EGFL6: variants seen among roughly 807,000 people sequenced by gnomAD.
The protein encoded by EGFL6 is epidermal growth factor-like protein 6.
Under a neutral mutation model 43.1 loss-of-function variants are expected in EGFL6, and 42 were observed. The observed-to-expected ratio is 0.98, with a 90% confidence interval of 0.76 to 1.26. EGFL6 has a LOEUF of 1.26. Ranked by LOEUF, EGFL6 falls within the 50% of genes most tolerant of loss-of-function variation. EGFL6 has a pLI of 0.00. For synonymous variants in EGFL6, 164 were observed against 163.2 expected (o/e 1.01, Z -0.04); for missense variants, 429 against 427.8 (o/e 1.00, Z -0.02).
chrX:13,594,774 G>A (rs1156918899), intron 2 of EGFL6, 62 bp from the exon 3 acceptor site: 2 of 1,069,209 alleles, frequency 1.9e-6, no homozygotes, highest in South Asian at 2.0e-5. Flanking sequence ...GCGAAGTTTT[G>A]CGTGCATTTC....
At chrX:13,594,097 C>CT (rs925903807) in intron 2 of EGFL6, among the ~76,000 whole-genome samples, 5 of 110,901 alleles carry the variant, frequency 4.5e-5, no homozygotes, top group Non-Finnish European at 9.4e-5. Context: ...TCCCATTTTC[C>CT]TTTTTTCCTA....
intron 2 of EGFL6, among the ~76,000 whole-genome samples, chrX:13,592,868 G>A (rs1180730886): frequency 1.4e-5 from 1 of 73,654 alleles, no homozygotes; most frequent in African/African-American, 5.2e-5. Flanking sequence ...TGTCGGGGGG[G>A]TGGGGGGGCT....
At chrX:13,625,877 C>A (rs1331302804) in intron 10 of EGFL6, among the ~76,000 whole-genome samples, 34 of 79,956 alleles carry the variant, frequency 4.3e-4, no homozygotes, top group Non-Finnish European at 6.3e-4. Flanking sequence ...CAGAGTGAGA[C>A]CCTGCCTCAA....
intron 7 of EGFL6, among the ~76,000 whole-genome samples, chrX:13,612,620 G>A (rs187289557): frequency 0.023 from 2,569 of 110,290 alleles, 73 homozygotes; most frequent in African/African-American, 0.079. Context: ...CAGACGGGGC[G>A]GCTGGGCAGA....
intron 9 of EGFL6, among the ~76,000 whole-genome samples, chrX:13,623,467 C>T (rs150743132): frequency 0.021 from 1,971 of 94,446 alleles, 54 homozygotes; most frequent in East Asian, 0.12. Context: ...GCAACCTCCA[C>T]CTCCTGGGTG....
chrX:13,595,918 C>G (rs187160322), intron 3 of EGFL6, among the ~76,000 whole-genome samples: 1 of 110,490 alleles, frequency 9.1e-6, no homozygotes, highest in East Asian at 2.8e-4. Context: ...CGAGGTCCCA[C>G]TACGTTGCCC....
chrX:13,598,560 T>C (rs2045613054), intron 3 of EGFL6, among the ~76,000 whole-genome samples: 1 of 47,007 alleles, frequency 2.1e-5, no homozygotes, highest in Admixed American at 2.3e-4. Context: ...TATTCTTAAG[T>C]TGTTGTTGTT....
chrX:13,632,306 T>G (rs2045816241), intron 11 of EGFL6, among the ~76,000 whole-genome samples: 1 of 96,285 alleles, frequency 1.0e-5, no homozygotes, highest in Non-Finnish European at 2.1e-5. Flanking sequence ...GGTTTTTTTT[T>G]TTTTTTTTTT....
intron 7 of EGFL6, among the ~76,000 whole-genome samples, chrX:13,617,474 A>T (rs2045725029): frequency 8.9e-6 from 1 of 112,466 alleles, no homozygotes; most frequent in Non-Finnish European, 1.9e-5. Context: ...CTGGGTAGTA[A>T]TAAGTGTTTC....
chrX:13,589,986 A>G (rs2045555000), intron 2 of EGFL6, among the ~76,000 whole-genome samples: 1 of 112,561 alleles, frequency 8.9e-6, no homozygotes, highest in Non-Finnish European at 1.9e-5. Context: ...GCAGGCTGGT[A>G]AATTTCTCCT....
chrX:13,601,855 C>A (rs946746033), intron 4 of EGFL6, among the ~76,000 whole-genome samples: 4 of 111,530 alleles, frequency 3.6e-5, no homozygotes, highest in African/African-American at 1.3e-4. Flanking sequence ...GAACCACTAT[C>A]CAGGCTTTTA....
intron 1 of EGFL6, 33 bp from the exon 2 acceptor site, chrX:13,589,523 T>C (rs1255851719): frequency 1.8e-6 from 2 of 1,121,056 alleles, no homozygotes; most frequent in African/African-American, 1.8e-5. Flanking sequence ...TTTTCTATTT[T>C]CTCAATACTA....
chrX:13,579,521 T>C (rs947182751), intron 1 of EGFL6, among the ~76,000 whole-genome samples: 2 of 111,730 alleles, frequency 1.8e-5, no homozygotes, highest in African/African-American at 6.5e-5. Flanking sequence ...GTTGATTCCA[T>C]GTCTTTGCTT....
intron 7 of EGFL6, among the ~76,000 whole-genome samples, chrX:13,615,581 A>C (rs921472565): frequency 1.8e-5 from 2 of 112,052 alleles, no homozygotes; most frequent in Non-Finnish European, 3.8e-5. Flanking sequence ...AGTAGCTGAA[A>C]CAGGCTATCT....
At chrX:13,630,505 TA>T (rs2045804934) in intron 11 of EGFL6, among the ~76,000 whole-genome samples, 1 of 111,443 alleles carries the variant, frequency 9.0e-6, no homozygotes. Context: ...CCCTACTTTT[TA>T]AAAAAAGTTC....
At chrX:13,576,955 C>T (rs2045474750) in intron 1 of EGFL6, among the ~76,000 whole-genome samples, 1 of 110,765 alleles carries the variant, frequency 9.0e-6, no homozygotes, top group African/African-American at 3.3e-5. Context: ...GTTTTAATAA[C>T]TGACCTGTTT....
intron 2 of EGFL6, among the ~76,000 whole-genome samples, chrX:13,592,343 C>G (rs765298088): frequency 1.8e-5 from 2 of 112,024 alleles, no homozygotes; most frequent in African/African-American, 3.2e-5. Flanking sequence ...GTGGAAAAAC[C>G]TTGCTGGGGA....
chrX:13,613,074 G>C (rs191497839), intron 7 of EGFL6, among the ~76,000 whole-genome samples: 51 of 107,782 alleles, frequency 4.7e-4, no homozygotes, highest in African/African-American at 1.4e-3. Context: ...GAAGCCAGGA[G>C]GCAGAGATTG....
At chrX:13,602,994 C>A (rs773114193) in intron 4 of EGFL6, among the ~76,000 whole-genome samples, 16 of 111,775 alleles carry the variant, frequency 1.4e-4, no homozygotes, top group Admixed American at 1.2e-3. Flanking sequence ...CTGAGGCCAG[C>A]CAGGTGACAT....
Sources: allele counts gnomAD v4.1 joint callset (sites outside exome capture counted in the v4.1 genomes callset), GRCh38; gene constraint gnomAD v4.1.1; transcripts MANE v1.5; gene names NCBI Gene and HGNC (gene_info 2026-07-23, HGNC 2026-07-21).